The following NTNG1 variants were observed in gnomAD, a reference collection of about 807,000 sequenced individuals.
NTNG1 encodes the protein netrin-G1.
NTNG1 carries 16 observed loss-of-function variants against 54.0 expected under a neutral mutation model. The observed-to-expected ratio is 0.30, with a 90% CI of 0.20 to 0.45. The LOEUF is 0.45. NTNG1 is among the 20% of genes least tolerant of loss of function. The probability of loss-of-function intolerance (pLI) is 1.00; values close to 1 mark genes in which losing one functional copy is unlikely to be tolerated. For missense variants in NTNG1, 530 were observed against 678.7 expected, an observed-to-expected ratio of 0.78 and a Z score of 2.43; for synonymous variants, 255 against 263.1, an observed-to-expected ratio of 0.97 and a Z score of 0.30.
intron 2 of NTNG1, among the ~76,000 whole-genome samples, chr1:107,246,106 C>T (rs980596687): frequency 2.0e-5 from 3 of 152,090 alleles, no homozygotes; most frequent in African/African-American, 7.2e-5. Flanking sequence ...GGCTGGAGTA[C>T]AGTGGTGTGA....
At chr1:107,251,892 TG>T (rs1234826871) in intron 2 of NTNG1, among the ~76,000 whole-genome samples, 1 of 152,176 alleles carries the variant, frequency 6.6e-6, no homozygotes, top group Non-Finnish European at 1.5e-5. Context: ...CTATAATCTG[TG>T]GGCTCCTAAA....
chr1:107,426,091 A>G (rs1007318993), intron 5 of NTNG1, among the ~76,000 whole-genome samples: 4 of 152,028 alleles, frequency 2.6e-5, no homozygotes, highest in African/African-American at 4.8e-5. Flanking sequence ...CTTTAGAGGC[A>G]TAATTTCTAA....
intron 2 of NTNG1, among the ~76,000 whole-genome samples, chr1:107,228,897 CT>C (rs1193271234): frequency 6.6e-6 from 1 of 152,140 alleles, no homozygotes; most frequent in African/African-American, 2.4e-5. Flanking sequence ...CCTTCCAGGG[CT>C]GGCAGCATTG....
rs1018500082 is a variant in NTNG1, at chr1:107,484,460, A to T, written c.*3620A>T. The stretch of plus-strand genomic sequence containing the variant: ...ATGTATGACTTTTAAATACTTAGAC[A>T]TGTGGCATGGGGTCCTCCATTGGTA... On this transcript the variant is annotated 3_prime_UTR_variant, in exon 8 of 8. Transcript: ENST00000370068. Among the ~76,000 whole-genome samples, 1 of 152,226 alleles carries T rather than the reference A, an allele frequency of 6.6e-6. No individual in the cohort carries two copies. Among genetic ancestry groups the T allele is most frequent in the African/African-American group, 2.4e-5 (1 of 41,460 alleles).
chr1:107,382,018 T>A (rs1232351314), intron 3 of NTNG1, among the ~76,000 whole-genome samples: 1 of 152,142 alleles, frequency 6.6e-6, no homozygotes, highest in African/African-American at 2.4e-5. Context: ...CCAATCACAA[T>A]GGTTGGTTCA....
intron 1 of NTNG1, among the ~76,000 whole-genome samples, chr1:107,144,467 T>A (rs574182610): frequency 6.6e-6 from 1 of 152,190 alleles, no homozygotes; most frequent in South Asian, 2.1e-4. Context: ...CCAGCTAGAT[T>A]AGGAGATTTA....
chr1:107,172,704 A>G (rs1015609202), intron 2 of NTNG1, among the ~76,000 whole-genome samples: 1 of 152,174 alleles, frequency 6.6e-6, no homozygotes, highest in Non-Finnish European at 1.5e-5. Flanking sequence ...TGGAATTTTT[A>G]TGGAATCAAC....
At chr1:107,446,105 T>C (rs1676290930) in intron 7 of NTNG1, among the ~76,000 whole-genome samples, 1 of 152,070 alleles carries the variant, frequency 6.6e-6, no homozygotes, top group Non-Finnish European at 1.5e-5. Context: ...AAGAAAAACA[T>C]ACATTTCATT....
Position 107,395,277 on chromosome 1 carries a change from T to C in NTNG1, c.1011T>C (p.Pro337=). 2 of 1,613,630 alleles carry C rather than the reference T, an allele frequency of 1.2e-6. No homozygotes were observed. The highest frequency in any genetic ancestry group is 1.7e-6 in the Non-Finnish European group (2 of 1,179,662). Residue 337 remains proline (P), a synonymous_variant, in exon 4 of 8, where the codon CCT becomes CCC. Transcript: ENST00000370068. The part of the protein sequence containing the change: ...GKCKKNYQGR[P]WSPGSYLPIP... Reference sequence around the variant, plus strand: ...GCAAGAAGAATTATCAGGGCCGACCTTGGAGTCCAGGCTCCTATCTCCCCA... The same window carrying C: ...GCAAGAAGAATTATCAGGGCCGACCCTGGAGTCCAGGCTCCTATCTCCCCA...
At chr1:107,152,078 A>C (rs1654618182) in intron 2 of NTNG1, among the ~76,000 whole-genome samples, 1 of 151,894 alleles carries the variant, frequency 6.6e-6, no homozygotes, top group Non-Finnish European at 1.5e-5. Flanking sequence ...ATACATATAT[A>C]CATGTATATA....
chr1:107,164,293 C>T (rs1476422700), intron 2 of NTNG1, among the ~76,000 whole-genome samples: 1 of 152,178 alleles, frequency 6.6e-6, no homozygotes, highest in Non-Finnish European at 1.5e-5. Context: ...GTCCCAAGCA[C>T]CATGCAGGCC....
chr1:107,372,655 A>T (rs1670991840), intron 3 of NTNG1, among the ~76,000 whole-genome samples: 1 of 152,136 alleles, frequency 6.6e-6, no homozygotes, highest in South Asian at 2.1e-4. Flanking sequence ...AATGCCAATA[A>T]GATCAAGTTG....
intron 1 of NTNG1, among the ~76,000 whole-genome samples, chr1:107,146,676 A>G (rs1023934263): frequency 1.3e-5 from 2 of 152,086 alleles, no homozygotes; most frequent in African/African-American, 4.8e-5. Context: ...TTTTTCTATT[A>G]GAAAATATCA....
chr1:107,312,511 C>A (rs1311979735), intron 2 of NTNG1, among the ~76,000 whole-genome samples: 1 of 152,102 alleles, frequency 6.6e-6, no homozygotes, highest in Non-Finnish European at 1.5e-5. Flanking sequence ...TCAAAAATTA[C>A]ACTGTAGCTA....
intron 2 of NTNG1, among the ~76,000 whole-genome samples, chr1:107,276,627 T>G (rs1664494862): frequency 6.6e-6 from 1 of 151,964 alleles, no homozygotes; most frequent in Non-Finnish European, 1.5e-5. Context: ...TTGCCTTCCT[T>G]GCCAGTCAGT....
rs529766270 is a variant in NTNG1, at chr1:107,332,635, G to GT, written c.887+7719dup. 2.0e-3 allele frequency among the ~76,000 whole-genome samples: 297 copies of GT among 152,130 alleles called. 3 individuals are homozygous for GT. Among genetic ancestry groups the GT allele is most frequent in the African/African-American group, 6.8e-3 (284 of 41,532 alleles). On this transcript the variant is annotated intron_variant, in intron 3 of 7. Coordinates refer to ENST00000370068, the MANE Select transcript of NTNG1 (RefSeq NM_001113226.3). Reference sequence around the variant, plus strand: ...CCATTGTTTGATACTTAGTGCAAGAGTTTTTTGAGACCTATGTGATCAATG... The same window carrying GT: ...CCATTGTTTGATACTTAGTGCAAGAGTTTTTTTGAGACCTATGTGATCAATG...
At chr1:107,211,853 C>A (rs1350351485) in intron 2 of NTNG1, among the ~76,000 whole-genome samples, 2 of 152,144 alleles carry the variant, frequency 1.3e-5, no homozygotes, top group Non-Finnish European at 2.9e-5. Context: ...AGCACTTCTG[C>A]CAGACTTCCA....
chr1:107,362,220 A>C (rs1027551310), intron 3 of NTNG1, among the ~76,000 whole-genome samples: 1 of 152,160 alleles, frequency 6.6e-6, no homozygotes, highest in South Asian at 2.1e-4. Flanking sequence ...TTTTCACCTC[A>C]ATAAAATAAT....
chr1:107,331,296 A>G (rs889202645), intron 3 of NTNG1, among the ~76,000 whole-genome samples: 12 of 151,974 alleles, frequency 7.9e-5, no homozygotes, highest in African/African-American at 2.7e-4. Context: ...CAATGAATCA[A>G]TACATCTTAT....
Sources: gnomAD v4.1 joint callset for allele counts (sites outside exome capture counted in the v4.1 genomes callset) on GRCh38, gnomAD v4.1.1 for gene constraint, MANE v1.5 for transcripts, NCBI Gene and HGNC (gene_info 2026-07-23, HGNC 2026-07-21) for gene names.